Variants in UNC5C observed in about 807,000 individuals in gnomAD.
UNC5C encodes the protein netrin receptor UNC5C.
UNC5C carries 47 observed loss-of-function variants against 99.8 expected under a neutral mutation model. That is an observed-to-expected ratio of 0.47 (90% CI 0.37 to 0.60). The LOEUF (loss-of-function observed/expected upper bound fraction) is 0.60, where lower values mean the gene tolerates loss of function less well. UNC5C is among the 20% of genes least tolerant of loss of function. UNC5C has a pLI of 0.00. For missense variants in UNC5C, 1,062 were observed against 1,165.9 expected, an observed-to-expected ratio of 0.91 and a Z score of 1.30; for synonymous variants, 487 against 452.2, an observed-to-expected ratio of 1.08 and a Z score of -0.98.
In UNC5C at chr4:95,416,392, A is replaced by G. The variant is rs113614655; in HGVS notation, c.125-80761T>C. Among the ~76,000 whole-genome samples, 1,081 of 152,306 alleles carry G rather than the reference A, an allele frequency of 7.1e-3. 15 individuals are homozygous for G. Among genetic ancestry groups the G allele is most frequent in the African/African-American group, 0.025 (1,024 of 41,578 alleles). ...TCATCCTTGAACAGTATTAGCCTGTAGGAACTGAGTGGAACAGTAGGGAGT... is the reference window on the plus strand; with the variant it reads ...TCATCCTTGAACAGTATTAGCCTGTGGGAACTGAGTGGAACAGTAGGGAGT... On this transcript the variant is annotated intron_variant, in intron 1 of 15. Coordinates refer to ENST00000453304, the MANE Select transcript of UNC5C (RefSeq NM_003728.4).
At chr4:95,290,012 T>A (rs767384000) in intron 3 of UNC5C, among the ~76,000 whole-genome samples, 4 of 152,134 alleles carry the variant, frequency 2.6e-5, no homozygotes, top group Non-Finnish European at 5.9e-5. Context: ...TAGAATATTT[T>A]AAAAATTGAA....
intron 1 of UNC5C, among the ~76,000 whole-genome samples, chr4:95,458,028 C>T (rs912551852): frequency 3.9e-5 from 6 of 152,074 alleles, no homozygotes; most frequent in Non-Finnish European, 7.4e-5. Context: ...GAAAAGAGTC[C>T]ACAATTTCCA....
rs1222846222 is a variant in UNC5C at position 95,545,770 on chromosome 4, G to GCACACA, written c.124+2963_124+2964insTGTGTG. On this transcript the variant is annotated intron_variant, in intron 1 of 15. Transcript: ENST00000453304. The stretch of plus-strand genomic sequence containing the variant: ...ACTGATCTCACACACACGCGCGCGC[G>GCACACA]CGCACACACACACACACACACACAC... 3.3e-3 allele frequency among the ~76,000 whole-genome samples: 434 copies of GCACACA among 130,590 alleles called. 4 individuals carry two copies. The highest frequency in any genetic ancestry group is 0.013 in the African/African-American group (403 of 30,420). 85.7% of individuals were successfully genotyped at this position (130,590 alleles called of 152,430 possible).
chr4:95,356,631 G>C (rs1272343129), intron 1 of UNC5C, among the ~76,000 whole-genome samples: 1 of 152,150 alleles, frequency 6.6e-6, no homozygotes, highest in Non-Finnish European at 1.5e-5. Flanking sequence ...ATATAGTCTA[G>C]AAGTCCCTTA....
At chr4:95,448,734 C>T (rs943073252) in intron 1 of UNC5C, among the ~76,000 whole-genome samples, 2 of 152,216 alleles carry the variant, frequency 1.3e-5, no homozygotes, top group Middle Eastern at 3.4e-3. Flanking sequence ...ATGCTAATGT[C>T]ATTACACCTG....
chr4:95,546,978 G>C (rs1723086570), intron 1 of UNC5C, among the ~76,000 whole-genome samples: 2 of 151,516 alleles, frequency 1.3e-5, no homozygotes. Context: ...TGTATGCCCA[G>C]TAACAGCAGG....
At chr4:95,214,729 A>G (rs977695205) in intron 10 of UNC5C, among the ~76,000 whole-genome samples, 1 of 152,252 alleles carries the variant, frequency 6.6e-6, no homozygotes, top group African/African-American at 2.4e-5. Flanking sequence ...TTTAAACAAA[A>G]TGTCCACGCT....
At chr4:95,377,166 A>G (rs1221430577) in intron 1 of UNC5C, among the ~76,000 whole-genome samples, 1 of 152,206 alleles carries the variant, frequency 6.6e-6, no homozygotes, top group Admixed American at 6.5e-5. Flanking sequence ...GGAGGGCTTT[A>G]TTGGTGGGGG....
intron 3 of UNC5C, among the ~76,000 whole-genome samples, chr4:95,289,323 G>T (rs1000839412): frequency 3.7e-4 from 57 of 152,108 alleles, no homozygotes; most frequent in Non-Finnish European, 6.5e-4. Context: ...TAAGCTTCTT[G>T]CTTCCCAAAT....
intron 10 of UNC5C, among the ~76,000 whole-genome samples, chr4:95,211,436 A>G (rs913547258): frequency 9.9e-5 from 15 of 152,264 alleles, no homozygotes; most frequent in African/African-American, 3.4e-4. Context: ...CATTATGCTT[A>G]TCTACCTCCA....
chr4:95,543,735 G>T (rs1199798745), intron 1 of UNC5C, among the ~76,000 whole-genome samples: 1 of 152,176 alleles, frequency 6.6e-6, no homozygotes, highest in South Asian at 2.1e-4. Context: ...TATCCCTTGA[G>T]AAAATAGAAA....
At chr4:95,228,969 G>T (rs1738797556) in intron 7 of UNC5C, among the ~76,000 whole-genome samples, 1 of 152,176 alleles carries the variant, frequency 6.6e-6, no homozygotes, top group South Asian at 2.1e-4. Context: ...CCTTGCTAGA[G>T]TGATGTAGTT....
intron 1 of UNC5C, among the ~76,000 whole-genome samples, chr4:95,389,781 A>T (rs2149444670): frequency 6.6e-6 from 1 of 152,208 alleles, no homozygotes; most frequent in South Asian, 2.1e-4. Flanking sequence ...AATTTCAGAC[A>T]GTATTAAAAA....
In UNC5C at chr4:95,167,240, C is replaced by G. The variant is rs887055825; in HGVS notation, c.*1994G>C. ...CATGTTCTAAAGGTTCCGATTCATA[C>G]ACATGTCTGCTTGTTCTTCAGTTTT... On this transcript the variant is annotated 3_prime_UTR_variant, in exon 16 of 16. Coordinates refer to ENST00000453304, the MANE Select transcript of UNC5C (RefSeq NM_003728.4). The G allele has an allele frequency of 6.6e-6, 1 of 152,194 alleles. No individual in the cohort carries two copies. The highest frequency in any genetic ancestry group is 1.5e-5 in the Non-Finnish European group (1 of 68,038). 9.4% of individuals were successfully genotyped at this position (152,194 alleles called of 1,614,324 possible).
intron 1 of UNC5C, among the ~76,000 whole-genome samples, chr4:95,480,179 G>C (rs1393870359): frequency 6.6e-6 from 1 of 151,200 alleles, no homozygotes; most frequent in Non-Finnish European, 1.5e-5. Flanking sequence ...ATAAATAAAT[G>C]TGTGTATGTA....
intron 1 of UNC5C, among the ~76,000 whole-genome samples, chr4:95,366,571 C>T (rs1441808705): frequency 6.6e-6 from 1 of 152,104 alleles, no homozygotes; most frequent in Non-Finnish European, 1.5e-5. Flanking sequence ...AAATACTAAC[C>T]TAGTCATGAA....
At chr4:95,525,319 G>A (rs954827853) in intron 1 of UNC5C, among the ~76,000 whole-genome samples, 11 of 152,016 alleles carry the variant, frequency 7.2e-5, no homozygotes, top group African/African-American at 2.7e-4. Flanking sequence ...TTCTCTTTGA[G>A]CAAAATTCCA....
intron 1 of UNC5C, among the ~76,000 whole-genome samples, chr4:95,528,458 A>G (rs1722553629): frequency 6.6e-6 from 1 of 152,204 alleles, no homozygotes; most frequent in Admixed American, 6.6e-5. Flanking sequence ...TGTAAACATC[A>G]GAGGACCAAT....
intron 14 of UNC5C, among the ~76,000 whole-genome samples, chr4:95,178,271 A>ATCTC (rs948553505): frequency 6.6e-6 from 1 of 152,020 alleles, no homozygotes; most frequent in Non-Finnish European, 1.5e-5. Flanking sequence ...CTTTTCTTTG[A>ATCTC]TCTCTGTCAG....
Sources: gnomAD v4.1 joint callset for allele counts (sites outside exome capture counted in the v4.1 genomes callset) on GRCh38, gnomAD v4.1.1 for gene constraint, MANE v1.5 for transcripts, NCBI Gene and HGNC (gene_info 2026-07-23, HGNC 2026-07-21) for gene names.